ANKLE2: variants seen among roughly 807,000 people sequenced by gnomAD.
ANKLE2 encodes the protein ankyrin repeat and LEM domain-containing protein 2.
In ANKLE2, 55 loss-of-function variants were observed where a neutral mutation model predicts 84.2. That is an observed-to-expected ratio of 0.65 (90% CI 0.53 to 0.82). ANKLE2 has a LOEUF of 0.82. ANKLE2 is among the 40% of genes least tolerant of loss of function. ANKLE2 has a pLI of 0.00. For missense variants in ANKLE2, 1,238 were observed against 1,201.9 expected, an observed-to-expected ratio of 1.03 and a Z score of -0.44; for synonymous variants, 551 against 486.1, an observed-to-expected ratio of 1.13 and a Z score of -1.76.
chr12:132,740,798 G>A (rs1004246682), intron 7 of ANKLE2, among the ~76,000 whole-genome samples: 2 of 114,990 alleles, frequency 1.7e-5, no homozygotes, highest in African/African-American at 2.7e-5. Flanking sequence ...GACTAGAAGA[G>A]GGCGGCCCAG....
chr12:132,740,811 A>G (rs2044104688), intron 7 of ANKLE2, among the ~76,000 whole-genome samples: 1 of 87,070 alleles, frequency 1.1e-5, no homozygotes, highest in Non-Finnish European at 3.3e-5. Context: ...CGGCCCAGAA[A>G]GCAAAGGCCT....
At chr12:132,754,622 C>A in intron 2 of ANKLE2, 53 bp downstream of exon 2, 1 of 1,498,386 alleles carries the variant, frequency 6.7e-7, no homozygotes, top group Non-Finnish European at 8.9e-7. Context: ...GTCATCCCGC[C>A]CCTCCGCGTA....
intron 9 of ANKLE2, 145 bp downstream of exon 9, chr12:132,735,261 G>T: frequency 1.3e-6 from 1 of 753,492 alleles, no homozygotes; most frequent in Non-Finnish European, 2.3e-6. Flanking sequence ...CATCCACAAG[G>T]AATTAGACCT....
rs114825562 is a variant in ANKLE2 at position 132,737,340 on chromosome 12, A to G, written c.1421-275T>C. 611 of 372,242 alleles carry G rather than the reference A, an allele frequency of 1.6e-3. 4 individuals carry two copies. Among genetic ancestry groups the G allele is most frequent in the African/African-American group, 0.011 (557 of 49,344 alleles). 23.1% of individuals were successfully genotyped at this position (372,242 alleles called of 1,614,324 possible). ...AAGAAAGAAAAGAAAAGGAAGCCCC[A>G]GGTAGTTAAAGGACTAAGGGGTCGG... On this transcript the variant is annotated intron_variant, in intron 7 of 12. Transcript: ENST00000357997.
Position 132,725,876 on chromosome 12 carries a change from C to T in ANKLE2, c.*1366G>A, listed in dbSNP as rs919866361. On this transcript the variant is annotated 3_prime_UTR_variant, in exon 13 of 13. Transcript: ENST00000357997. ...TCTTGTCTGCTACAAAACAAATGAA[C>T]ACACCCTGTGTAACAAAATCGAATT... The T allele has an allele frequency of 6.6e-6, 1 of 152,158 alleles. No individual in the cohort carries two copies. Among genetic ancestry groups the T allele is most frequent in the Admixed American group, 6.5e-5 (1 of 15,278 alleles). The allele number at this position is 152,158 out of a possible 1,614,324, so 9.4% of individuals were successfully genotyped here. A position where few individuals can be genotyped will look rare whatever the true frequency, so the allele number is the denominator to read the frequency against.
chr12:132,749,670 C>T (rs1000282258), intron 3 of ANKLE2, among the ~76,000 whole-genome samples: 1 of 152,202 alleles, frequency 6.6e-6, no homozygotes, highest in African/African-American at 2.4e-5. Context: ...CGAGAGGGAG[C>T]AGGAACTGAG....
At chr12:132,739,006 G>C (rs1253996561) in intron 7 of ANKLE2, 1 of 152,146 alleles carries the variant, frequency 6.6e-6, no homozygotes, top group African/African-American at 2.4e-5. Flanking sequence ...AACTGACACA[G>C]GCAAGAAAAC....
At chr12:132,759,962 C>A (rs776380575) in intron 1 of ANKLE2, 2 of 151,934 alleles carry the variant, frequency 1.3e-5, no homozygotes, top group Non-Finnish European at 1.5e-5. Context: ...GGTGAAACCC[C>A]GTCTCTATTA....
At chr12:132,740,589 C>T (rs1172535887) in intron 7 of ANKLE2, among the ~76,000 whole-genome samples, 3 of 152,076 alleles carry the variant, frequency 2.0e-5, no homozygotes. Context: ...TCAGCGTCTG[C>T]TTCAATCTCA....
chr12:132,739,191 C>T (rs2136132807), intron 7 of ANKLE2, among the ~76,000 whole-genome samples: 1 of 152,248 alleles, frequency 6.6e-6, no homozygotes, highest in Admixed American at 6.5e-5. Context: ...AATCCGTACC[C>T]CAAACCCCGG....
At chr12:132,728,353 C>T (rs768946435) in intron 11 of ANKLE2, among the ~76,000 whole-genome samples, 190 bp from the exon 12 acceptor site, 20 of 152,128 alleles carry the variant, frequency 1.3e-4, no homozygotes, top group Non-Finnish European at 2.9e-4. Flanking sequence ...CTCAGCCTCC[C>T]GAGTAGCTGG....
chr12:132,734,339 T>C (rs372167736), intron 10 of ANKLE2, 46 bp downstream of exon 10: 29 of 1,600,438 alleles, frequency 1.8e-5, no homozygotes, highest in Non-Finnish European at 2.5e-5. Context: ...ACCCCGGCCA[T>C]GGGGGGCCCC....
At chr12:132,741,299 C>T (rs60219395) in intron 7 of ANKLE2, 120 bp downstream of exon 7, 859 of 957,370 alleles carry the variant, frequency 9.0e-4, no homozygotes, top group Middle Eastern at 8.0e-3. Context: ...GAGAGGCTTC[C>T]GAGGGGAGCC....
chr12:132,750,047 A>C (rs546466599), intron 3 of ANKLE2, among the ~76,000 whole-genome samples: 1 of 152,122 alleles, frequency 6.6e-6, no homozygotes, highest in African/African-American at 2.4e-5. Flanking sequence ...GTGGCTAAAA[A>C]TACAAACATT....
At position 132,727,025 on chromosome 12, in the gene ANKLE2, T is replaced by C. The variant is rs112170111; in HGVS notation, c.*217A>G. 5.6e-4 allele frequency: 319 copies of C among 574,092 alleles called. 1 individual carries two copies. The highest frequency in any genetic ancestry group is 3.9e-3 in the Middle Eastern group (8 of 2,062). The allele number at this position is 574,092 out of a possible 1,614,324, so 35.6% of individuals were successfully genotyped here. ...TACCACATGGATATTTTCCAGAAAA[T>C]TGGTAACTGAGTTTGCTTTCATTAA... On this transcript the variant is annotated 3_prime_UTR_variant, in exon 13 of 13. Coordinates refer to ENST00000357997, the MANE Select transcript of ANKLE2 (RefSeq NM_015114.3).
rs577283197 is a variant in ANKLE2 at position 132,735,691 on chromosome 12, G to A, written c.1594-179C>T. On this transcript the variant is annotated intron_variant, in intron 8 of 12. Transcript: ENST00000357997. ...CTGTGGCATGGCTGAGTGGCCGCAC[G>A]GCTGCACTCTGACCTGGGGGAGGGG... 8.0e-4 allele frequency among the ~76,000 whole-genome samples: 122 copies of A among 152,300 alleles called. 1 individual carries two copies. The highest frequency in any genetic ancestry group is 3.4e-3 in the Middle Eastern group (1 of 294).
chr12:132,761,307 G>A (rs778813870), intron 1 of ANKLE2: 3 of 247,342 alleles, frequency 1.2e-5, no homozygotes, highest in Non-Finnish European at 2.3e-5. Flanking sequence ...GGTCTCGAGA[G>A]ACCGCAGCAA....
intron 5 of ANKLE2, chr12:132,745,438 C>G (rs1207856960): frequency 6.5e-6 from 1 of 154,318 alleles, no homozygotes; most frequent in Non-Finnish European, 1.5e-5. Flanking sequence ...TCTCTAACGC[C>G]TATGTGAAGA....
At chr12:132,749,942 G>A (rs1025789884) in intron 3 of ANKLE2, among the ~76,000 whole-genome samples, 2 of 152,198 alleles carry the variant, frequency 1.3e-5, no homozygotes, top group Non-Finnish European at 2.9e-5. Flanking sequence ...GCTGAGATGG[G>A]AGGATCACTT....
Sources: allele counts gnomAD v4.1 joint callset (sites outside exome capture counted in the v4.1 genomes callset), GRCh38; gene constraint gnomAD v4.1.1; transcripts MANE v1.5; gene names NCBI Gene and HGNC (gene_info 2026-07-23, HGNC 2026-07-21).